The following CLK3 variants were observed in gnomAD, a reference collection of about 807,000 sequenced individuals.
CLK3 encodes dual specificity protein kinase CLK3.
Under a neutral mutation model 65.2 loss-of-function variants are expected in CLK3, and 24 were observed. The ratio of observed to expected loss-of-function variants is 0.37; its 90% CI spans 0.27 to 0.52. The LOEUF is 0.52. Ranked by LOEUF, CLK3 falls within the 20% of genes least tolerant of loss-of-function variation. The pLI, the probability that CLK3 is intolerant of heterozygous loss-of-function variation, is 0.92. For synonymous variants in CLK3, 252 were observed against 240.8 expected (o/e 1.05, Z -0.43); for missense variants, 506 against 660.0 (o/e 0.77, Z 2.56).
Position 74,625,847 on chromosome 15 carries a change from G to T in CLK3, c.696G>T (p.Met232Ile). The T allele has an allele frequency of 6.2e-7, 1 of 1,614,174 alleles. No homozygotes were observed. The highest frequency in any genetic ancestry group is 8.5e-7 in the Non-Finnish European group (1 of 1,180,016). Residue 232 changes from methionine (M) to isoleucine (I), a missense_variant, in exon 7 of 13, where the codon ATG (methionine) becomes ATT (isoleucine). Coordinates refer to ENST00000395066, the MANE Select transcript of CLK3 (RefSeq NM_001130028.2). ...ACTGGTTCAACTTCCACGGTCACAT[G>T]TGCATCGCCTTTGAGCTCCTGGGCA... ...MSDWFNFHGH[M>I]CIAFELLGKN... is the part of the protein sequence containing the mutation.
At chr15:74,609,817 G>T (rs906739186) in intron 1 of CLK3, among the ~76,000 whole-genome samples, 1 of 152,234 alleles carries the variant, frequency 6.6e-6, no homozygotes, top group Non-Finnish European at 1.5e-5. Context: ...AGACCACACT[G>T]GGGTGGTCTT....
At chr15:74,626,057 C>T (rs547964696) in intron 7 of CLK3, 89 bp downstream of exon 7, 11 of 1,406,484 alleles carry the variant, frequency 7.8e-6, no homozygotes, top group South Asian at 2.5e-5. Context: ...CATTCCAGCA[C>T]GTTACTAACC....
At chr15:74,610,948 C>A (rs1332227061), upstream of CLK3, among the ~76,000 whole-genome samples, 2 of 152,220 alleles carry the variant, frequency 1.3e-5, no homozygotes, top group Admixed American at 6.5e-5. Context: ...TCCCAAGAAC[C>A]CTCAGCTTGC....
chr15:74,624,589 G>C lies in CLK3; in HGVS notation c.534-313G>C. On this transcript the variant is annotated intron_variant, in intron 5 of 12. Coordinates refer to ENST00000395066, the MANE Select transcript of CLK3 (RefSeq NM_001130028.2). This position sits in a 1 kb window ranked among gnomAD's most constrained non-coding sequence, Gnocchi z 4.2. ...AGGTTAGGTCACTGTGTGAGCTCTT[G>C]GACTGGCACTGGTTAAGCAGGATTG... 2.6e-6 allele frequency: 1 copy of C among 390,514 alleles called. No individual in the cohort carries two copies. Among genetic ancestry groups the C allele is most frequent in the South Asian group, 3.6e-5 (1 of 27,446 alleles). 24.2% of individuals were successfully genotyped at this position (390,514 alleles called of 1,614,324 possible).
At chr15:74,619,052 T>G (rs1000051165) in intron 1 of CLK3, 145 bp from the exon 2 acceptor site, 1 of 897,054 alleles carries the variant, frequency 1.1e-6, no homozygotes, top group Non-Finnish European at 1.7e-6. Flanking sequence ...CTCAGAGTTC[T>G]TCTTCACTTC....
rs1172579998 is a variant in CLK3, at chr15:74,629,632, C to G, written c.1297-75C>G. On this transcript the variant is annotated intron_variant, in intron 12 of 12. Coordinates refer to ENST00000395066, the MANE Select transcript of CLK3 (RefSeq NM_001130028.2). ...TCCTCGATCCAGTCCAGCAAGGCGT[C>G]CCAGAGGCAAGGGGACCTGCTGTGG... is the stretch of plus-strand genomic sequence containing the variant. The G allele has an allele frequency of 4.5e-6, 6 of 1,345,586 alleles. No individual in the cohort carries two copies. The Admixed American group carries it at 7.3e-5, about 16-fold the overall frequency. The allele number at this position is 1,345,586 out of a possible 1,614,324, so 83.4% of individuals were successfully genotyped here.
At chr15:74,608,501 G>A (rs184693287) in intron 1 of CLK3, 1 of 152,224 alleles carries the variant, frequency 6.6e-6, no homozygotes, top group Non-Finnish European at 1.5e-5. Context: ...AGGAGGGGGA[G>A]TGGGGCAGAG....
chr15:74,629,295 G>A (rs901450556), intron 12 of CLK3: 64 of 583,098 alleles, frequency 1.1e-4, no homozygotes, highest in Non-Finnish European at 1.8e-4. Flanking sequence ...CAGAAGCCCT[G>A]CTGCTTCCTG....
chr15:74,616,103 C>T (rs1191720316), intron 1 of CLK3, among the ~76,000 whole-genome samples: 1 of 152,258 alleles, frequency 6.6e-6, no homozygotes, highest in Non-Finnish European at 1.5e-5. Context: ...CTCGACCCCA[C>T]GGTGTTGAAG....
At chr15:74,619,954 T>A (rs2062088155) in intron 2 of CLK3, 55 bp from the exon 3 acceptor site, 2 of 1,610,606 alleles carry the variant, frequency 1.2e-6, no homozygotes, top group African/African-American at 2.7e-5. Context: ...ACAGGTCTCT[T>A]GCTTGCTAAC....
intron 3 of CLK3, 119 bp downstream of exon 3, chr15:74,620,344 G>A (rs116177097): frequency 1.9e-5 from 25 of 1,339,416 alleles, no homozygotes; most frequent in South Asian, 2.6e-5. Flanking sequence ...ACTGGTGTGC[G>A]TGCATGTGTG....
chr15:74,611,224 C>A (rs2061985105), upstream of CLK3, among the ~76,000 whole-genome samples: 1 of 152,184 alleles, frequency 6.6e-6, no homozygotes, highest in Admixed American at 6.5e-5. Context: ...CTGGGGACTC[C>A]ATTTCCCTTT....
intron 1 of CLK3, among the ~76,000 whole-genome samples, chr15:74,616,294 C>G (rs2062059376): frequency 6.6e-6 from 1 of 152,230 alleles, no homozygotes; most frequent in Non-Finnish European, 1.5e-5. Context: ...GAGTTTGATT[C>G]TGGCCCAGTC....
At chr15:74,620,429 G>C (rs2062092866) in intron 3 of CLK3, 1 of 711,114 alleles carries the variant, frequency 1.4e-6, no homozygotes, top group African/African-American at 1.8e-5. Flanking sequence ...GCTCTTTCCA[G>C]TGGCAACTGT....
Position 74,619,913 on chromosome 15 carries a change from TC to T in CLK3, c.153-91del, listed in dbSNP as rs1025149325. 9.7e-5 allele frequency: 152 copies of T among 1,568,706 alleles called. 4 individuals are homozygous for T. Among genetic ancestry groups the T allele is most frequent in the Non-Finnish European group, 7.1e-5 (82 of 1,157,606 alleles). On this transcript the variant is annotated intron_variant, in intron 2 of 12. Coordinates refer to ENST00000395066, the MANE Select transcript of CLK3 (RefSeq NM_001130028.2). ...GTGTGGATGCTTTTAGCACAGGCTG[TC>T]CCCCTTTAGCCCTTTACAGTGGCCT...
Position 74,622,349 on chromosome 15 carries a change from C to A in CLK3, c.466+133C>A. The A allele has an allele frequency of 2.0e-6, 2 of 1,024,922 alleles. No homozygotes were observed. Among genetic ancestry groups the A allele is most frequent in the Non-Finnish European group, 1.5e-6 (1 of 678,602 alleles). The allele number at this position is 1,024,922 out of a possible 1,614,324, so 63.5% of individuals were successfully genotyped here. On this transcript the variant is annotated intron_variant, in intron 4 of 12. Transcript: ENST00000395066. This position sits in a 1 kb window ranked among gnomAD's most constrained non-coding sequence, Gnocchi z 4.6. ...GCCACCAGTAATTGCCTGAATGACA[C>A]AGACACTAGCAACTTCCATTTTTAA...
At position 74,621,149 on chromosome 15, in the gene CLK3, T is replaced by G. The variant is rs2062099335; in HGVS notation, c.369+924T>G. The stretch of plus-strand genomic sequence containing the variant: ...TGCCCAGCGCTTTCTGTGACTTCTT[T>G]GAGTGGCTACAGGTTGAGGGTTGAC... On this transcript the variant is annotated intron_variant, in intron 3 of 12. Transcript: ENST00000395066. The surrounding 1 kb of genome is among the most constrained non-coding windows in gnomAD (Gnocchi z 4.8). 1 of 152,526 alleles carries G rather than the reference T, an allele frequency of 6.6e-6. No individual in the cohort carries two copies. The highest frequency in any genetic ancestry group is 1.5e-5 in the Non-Finnish European group (1 of 68,250). The allele number at this position is 152,526 out of a possible 1,614,324, so 9.4% of individuals were successfully genotyped here.
In CLK3 at chr15:74,629,353, T is replaced by C. The variant is rs552132058; in HGVS notation, c.1296+321T>C. ...TGGGAAGAACTAGGCAGGACTGAGG[T>C]GAGGGGGAGGGAAGACCTAGACATG... On this transcript the variant is annotated intron_variant, in intron 12 of 12. Coordinates refer to ENST00000395066, the MANE Select transcript of CLK3 (RefSeq NM_001130028.2). 7.6e-5 allele frequency: 40 copies of C among 527,896 alleles called. No homozygotes were observed. In the East Asian group the frequency reaches 1.4e-3, roughly 18 times the overall value. 32.7% of individuals were successfully genotyped at this position (527,896 alleles called of 1,614,324 possible). A position where few individuals can be genotyped will look rare whatever the true frequency, so the allele number is the denominator to read the frequency against.
At chr15:74,619,914 C>T in intron 2 of CLK3, 95 bp from the exon 3 acceptor site, 1 of 1,569,798 alleles carries the variant, frequency 6.4e-7, no homozygotes, top group Non-Finnish European at 8.6e-7. Flanking sequence ...CACAGGCTGT[C>T]CCCCTTTAGC....
Sources: gnomAD v4.1 joint callset for allele counts (sites outside exome capture counted in the v4.1 genomes callset) on GRCh38, gnomAD v4.1.1 for gene constraint, Gnocchi (gnomAD v3.1) non-coding constraint, MANE v1.5 for transcripts, NCBI Gene and HGNC (gene_info 2026-07-23, HGNC 2026-07-21) for gene names.